Variants in ADCY9 observed in about 807,000 individuals in gnomAD.
The protein encoded by ADCY9 is adenylate cyclase 9, also known as adenylate cyclase type 9.
In ADCY9, 50 loss-of-function variants were observed where a neutral mutation model predicts 101.5. That is an observed-to-expected ratio of 0.49 (90% CI 0.39 to 0.62). ADCY9 has a LOEUF of 0.62. Ranked by LOEUF, ADCY9 falls within the 20% of genes least tolerant of loss-of-function variation. The probability of loss-of-function intolerance (pLI) is 0.00; values close to 1 mark genes in which losing one functional copy is unlikely to be tolerated. For missense variants in ADCY9, 1,662 were observed against 1,800.4 expected (o/e 0.92, Z 1.39); for synonymous variants, 905 against 769.3 (o/e 1.18, Z -2.92).
chr16:4,017,026 T>C (rs1338720630), intron 2 of ADCY9, among the ~76,000 whole-genome samples: 1 of 152,068 alleles, frequency 6.6e-6, no homozygotes, highest in Non-Finnish European at 1.5e-5. Flanking sequence ...AAGCTGGGTG[T>C]GGTGGTGCAT....
intron 2 of ADCY9, among the ~76,000 whole-genome samples, chr16:4,023,417 G>T (rs1192984713): frequency 6.6e-6 from 1 of 152,206 alleles, no homozygotes; most frequent in African/African-American, 2.4e-5. Context: ...GACTGAAGTG[G>T]AGATATCACA....
chr16:4,058,074 G>A (rs775937862), intron 2 of ADCY9, among the ~76,000 whole-genome samples: 1 of 150,676 alleles, frequency 6.6e-6, no homozygotes, highest in East Asian at 2.0e-4. Flanking sequence ...CAGAAGAATC[G>A]CTTGAACCCA....
chr16:4,048,127 C>A (rs549559797), intron 2 of ADCY9, among the ~76,000 whole-genome samples: 193 of 116,814 alleles, frequency 1.7e-3, no homozygotes, highest in African/African-American at 5.9e-3. Context: ...TGTTCCCTGT[C>A]ATTTTTGGGG....
At chr16:4,075,920 A>C (rs888271018) in intron 2 of ADCY9, among the ~76,000 whole-genome samples, 1 of 152,248 alleles carries the variant, frequency 6.6e-6, no homozygotes, top group East Asian at 1.9e-4. Flanking sequence ...AGTCTGGAAG[A>C]GTTCATAGGG....
intron 10 of ADCY9, among the ~76,000 whole-genome samples, chr16:3,967,633 TC>T (rs1567413828): frequency 6.6e-6 from 1 of 151,550 alleles, no homozygotes; most frequent in Non-Finnish European, 1.5e-5. Context: ...CTTCAAGCCA[TC>T]CTCCCACCTT....
At chr16:4,073,710 T>C (rs1028029327) in intron 2 of ADCY9, among the ~76,000 whole-genome samples, 1 of 152,166 alleles carries the variant, frequency 6.6e-6, no homozygotes, top group African/African-American at 2.4e-5. Context: ...AAACATTTTC[T>C]AATGGGAGGG....
chr16:4,084,117 T>C, intron 2 of ADCY9, among the ~76,000 whole-genome samples: 1 of 151,542 alleles, frequency 6.6e-6, no homozygotes, highest in East Asian at 1.9e-4. Flanking sequence ...TGTTTTGTTT[T>C]GTTTTTGTTT....
chr16:4,098,240 G>GT (rs2141196795), intron 2 of ADCY9, among the ~76,000 whole-genome samples: 1 of 151,282 alleles, frequency 6.6e-6, no homozygotes, highest in African/African-American at 2.4e-5. Flanking sequence ...TTTTGTTTTT[G>GT]TTTTTGGTTT....
At position 4,095,092 on chromosome 16, in the gene ADCY9, T is replaced by C. The variant is rs1021585281; in HGVS notation, c.1693+18658A>G. ...ATCTCAGCTCACTGCAACCTCTACT[T>C]ACCAGGTTCAAGCGATTCTCCTGTC... On this transcript the variant is annotated intron_variant, in intron 2 of 10. Transcript: ENST00000294016. Among the ~76,000 whole-genome samples the C allele has an allele frequency of 2.0e-5, 3 of 151,300 alleles. No individual in the cohort carries two copies. In the South Asian group the frequency reaches 6.3e-4, roughly 32 times the overall value.
At chr16:3,995,603 A>AT (rs34724133) in intron 3 of ADCY9, among the ~76,000 whole-genome samples, 2,828 of 146,460 alleles carry the variant, frequency 0.019, 71 homozygotes, top group African/African-American at 0.056. Flanking sequence ...CAAGAAATAT[A>AT]TTTTTTTTTT....
At chr16:4,102,760 C>T (rs1019407758) in intron 2 of ADCY9, among the ~76,000 whole-genome samples, 19 of 151,958 alleles carry the variant, frequency 1.3e-4, no homozygotes, top group African/African-American at 3.9e-4. Context: ...CTCGCTCTGT[C>T]GCCCAGGCTG....
At chr16:4,026,746 G>A (rs1395769446) in intron 2 of ADCY9, among the ~76,000 whole-genome samples, 2 of 152,120 alleles carry the variant, frequency 1.3e-5, no homozygotes, top group East Asian at 3.9e-4. Context: ...GTCTTCAAAG[G>A]GTACATGCTG....
At chr16:4,035,628 T>C (rs2056583961) in intron 2 of ADCY9, among the ~76,000 whole-genome samples, 1 of 152,174 alleles carries the variant, frequency 6.6e-6, no homozygotes, top group African/African-American at 2.4e-5. Context: ...CAGGGAATCC[T>C]CACTTCTTTC....
At chr16:3,957,094 C>G (rs1442686768) in intron 5 of ADCY9, among the ~76,000 whole-genome samples, 1 of 152,178 alleles carries the variant, frequency 6.6e-6, no homozygotes, top group Admixed American at 6.5e-5. Flanking sequence ...TCACACCCTC[C>G]CCCTCCATCT....
At chr16:4,075,992 G>A (rs987706497) in intron 2 of ADCY9, among the ~76,000 whole-genome samples, 1 of 152,160 alleles carries the variant, frequency 6.6e-6, no homozygotes, top group Non-Finnish European at 1.5e-5. Context: ...TAGTTAATGA[G>A]GAGAAAAGGC....
chr16:4,116,342 G>C lies in ADCY9; in HGVS notation c.-696C>G, dbSNP rs1444401799. 1.2e-4 allele frequency among the ~76,000 whole-genome samples: 17 copies of C among 144,916 alleles called. No individual in the cohort carries two copies. Among genetic ancestry groups the C allele is most frequent in the African/African-American group, 4.2e-4 (17 of 40,380 alleles). ...GCCGCCTCCCCGAGCTAGAGATGCG[G>C]CCGCCGCCGCGCCCGCCGCCGTGTC... On this transcript the variant is annotated 5_prime_UTR_variant, in exon 1 of 11. Transcript: ENST00000294016.
rs187129811 is a variant in ADCY9 at position 4,013,417 on chromosome 16, G to A, written c.1694-5859C>T. 1.6e-3 allele frequency among the ~76,000 whole-genome samples: 247 copies of A among 151,636 alleles called. 1 individual carries two copies. Among genetic ancestry groups the A allele is most frequent in the African/African-American group, 5.7e-3 (235 of 41,322 alleles). On this transcript the variant is annotated intron_variant, in intron 2 of 10. Transcript: ENST00000294016. Reference sequence around the variant, plus strand: ...GCCTGGGCAACAAGAGTGAAACTCCGTCTCAAAAAAGAAAAAAAAATTAAA... The same window carrying A: ...GCCTGGGCAACAAGAGTGAAACTCCATCTCAAAAAAGAAAAAAAAATTAAA...
chr16:4,045,503 G>T (rs1015115305), intron 2 of ADCY9, among the ~76,000 whole-genome samples: 2 of 146,592 alleles, frequency 1.4e-5, no homozygotes, highest in African/African-American at 5.0e-5. Flanking sequence ...GCTGAGGCAG[G>T]AGAATTGCTT....
intron 2 of ADCY9, among the ~76,000 whole-genome samples, chr16:4,062,379 A>T (rs1333722558): frequency 6.6e-6 from 1 of 152,248 alleles, no homozygotes; most frequent in African/African-American, 2.4e-5. Context: ...TGTTAGATGT[A>T]ATCCAAGCAT....
Sources: gnomAD v4.1 joint callset for allele counts (sites outside exome capture counted in the v4.1 genomes callset) on GRCh38, gnomAD v4.1.1 for gene constraint, MANE v1.5 for transcripts, NCBI Gene and HGNC (gene_info 2026-07-23, HGNC 2026-07-21) for gene names.